PPM1E: variants seen among roughly 807,000 people sequenced by gnomAD.
PPM1E encodes the protein protein phosphatase 1E.
A neutral mutation model predicts 65.9 loss-of-function variants in PPM1E; 20 were observed. The ratio of observed to expected loss-of-function variants is 0.30; its 90% CI spans 0.21 to 0.44. The LOEUF (loss-of-function observed/expected upper bound fraction) is 0.44, where lower values mean the gene tolerates loss of function less well. Ranked by LOEUF, PPM1E falls within the 20% of genes least tolerant of loss-of-function variation. PPM1E has a pLI of 1.00. For synonymous variants in PPM1E, 352 were observed against 374.9 expected (o/e 0.94, Z 0.70); for missense variants, 713 against 953.1 (o/e 0.75, Z 3.32).
chr17:58,804,084 A>G (rs1261542827), intron 1 of PPM1E, among the ~76,000 whole-genome samples: 1 of 152,080 alleles, frequency 6.6e-6, no homozygotes, highest in Non-Finnish European at 1.5e-5. Flanking sequence ...CTGTGAAGCC[A>G]TGGCAGCTAA....
chr17:58,861,398 A>C (rs2143302594), intron 1 of PPM1E, among the ~76,000 whole-genome samples: 1 of 152,334 alleles, frequency 6.6e-6, no homozygotes, highest in African/African-American at 2.4e-5. Flanking sequence ...GGCCTGGTTC[A>C]GTGTCTTGGG....
At chr17:58,771,431 C>T (rs1224463745) in intron 1 of PPM1E, among the ~76,000 whole-genome samples, 2 of 151,596 alleles carry the variant, frequency 1.3e-5, no homozygotes, top group Non-Finnish European at 2.9e-5. Context: ...CGAGACCAGC[C>T]TGGCCAACAT....
intron 1 of PPM1E, among the ~76,000 whole-genome samples, chr17:58,870,994 G>A (rs2051062886): frequency 6.6e-6 from 1 of 152,006 alleles, no homozygotes; most frequent in Non-Finnish European, 1.5e-5. Context: ...AAGAGGCTTG[G>A]GTGCTTAAGG....
At position 58,955,629 on chromosome 17, in the gene PPM1E, T is replaced by C; in HGVS notation, c.465-20T>C. ...TCTAATTCTTTTGCTGAAAATGGCC[T>C]TTTATCTTTTTTCTTGCAGTAATTG... On this transcript the variant is annotated intron_variant, in intron 1 of 6. Transcript: ENST00000308249. 1 of 1,612,124 alleles carries C rather than the reference T, an allele frequency of 6.2e-7. No homozygotes were observed. The highest frequency in any genetic ancestry group is 8.5e-7 in the Non-Finnish European group (1 of 1,179,542).
intron 1 of PPM1E, among the ~76,000 whole-genome samples, chr17:58,871,119 C>T (rs2051064272): frequency 6.6e-6 from 1 of 152,136 alleles, no homozygotes; most frequent in East Asian, 1.9e-4. Context: ...ACTGCAGCCT[C>T]GAATTCCTGG....
At chr17:58,798,525 A>ATTTTTTT (rs78922975) in intron 1 of PPM1E, among the ~76,000 whole-genome samples, 1 of 89,850 alleles carries the variant, frequency 1.1e-5, no homozygotes, top group Non-Finnish European at 2.4e-5. Flanking sequence ...ACACGGCCCT[A>ATTTTTTT]TTTTTTTTTT....
intron 1 of PPM1E, among the ~76,000 whole-genome samples, chr17:58,910,520 A>T (rs1197518444): frequency 4.0e-5 from 6 of 151,854 alleles, no homozygotes; most frequent in South Asian, 2.1e-4. Flanking sequence ...TCTTTTCAAA[A>T]TTTTTTTTGC....
At chr17:58,953,446 A>G (rs1016358076) in intron 1 of PPM1E, among the ~76,000 whole-genome samples, 3 of 152,164 alleles carry the variant, frequency 2.0e-5, no homozygotes, top group African/African-American at 7.2e-5. Flanking sequence ...TAATTTAATA[A>G]TCAGATCTCA....
At chr17:58,974,383 A>G (rs2030863727) in intron 6 of PPM1E, among the ~76,000 whole-genome samples, 1 of 152,212 alleles carries the variant, frequency 6.6e-6, no homozygotes, top group Admixed American at 6.5e-5. Flanking sequence ...GGAGTTTCAA[A>G]GAACCCTATA....
At chr17:58,972,975 T>C (rs1357029326) in intron 6 of PPM1E, 50 bp downstream of exon 6, 1 of 1,317,900 alleles carries the variant, frequency 7.6e-7, no homozygotes, top group East Asian at 2.3e-5. Flanking sequence ...TCTAGCTCAT[T>C]CTCCTGTATC....
chr17:58,945,586 C>T (rs370480244), intron 1 of PPM1E, among the ~76,000 whole-genome samples: 3 of 152,180 alleles, frequency 2.0e-5, no homozygotes, highest in Non-Finnish European at 2.9e-5. Context: ...CACAGGATAA[C>T]GGGCTCAGTC....
At chr17:58,933,581 A>C (rs2051931692) in intron 1 of PPM1E, among the ~76,000 whole-genome samples, 1 of 151,854 alleles carries the variant, frequency 6.6e-6, no homozygotes, top group Middle Eastern at 3.2e-3. Flanking sequence ...GGATCACCTG[A>C]GATCAGGAGT....
intron 4 of PPM1E, 124 bp from the exon 5 acceptor site, chr17:58,972,008 G>C: frequency 1.2e-6 from 1 of 867,282 alleles, no homozygotes; most frequent in Non-Finnish European, 1.7e-6. Context: ...TATTATATAT[G>C]TGTGAAATTC....
intron 1 of PPM1E, among the ~76,000 whole-genome samples, chr17:58,789,457 T>C (rs567709385): frequency 1.3e-5 from 2 of 152,312 alleles, no homozygotes; most frequent in South Asian, 4.1e-4. Context: ...TAACTTTATT[T>C]TTCTGATTAC....
At chr17:58,787,647 A>G (rs972397308) in intron 1 of PPM1E, among the ~76,000 whole-genome samples, 1 of 152,016 alleles carries the variant, frequency 6.6e-6, no homozygotes, top group Non-Finnish European at 1.5e-5. Flanking sequence ...GGTGGCTCAC[A>G]CCTGTAATCC....
At chr17:58,928,063 T>TA (rs901114174) in intron 1 of PPM1E, among the ~76,000 whole-genome samples, 1,628 of 141,114 alleles carry the variant, frequency 0.012, 26 homozygotes, top group African/African-American at 0.04. Context: ...CCATCTCAAT[T>TA]AAAAAAAAAA....
chr17:58,757,129 A>G lies in PPM1E; in HGVS notation c.464+668A>G, dbSNP rs1429520042. On this transcript the variant is annotated intron_variant, in intron 1 of 6. Transcript: ENST00000308249. ...TTAGTTTAGACATTTGACATTCCAT[A>G]ATTGAGGGAAGTGGGAAGGAATTGA... Among the ~76,000 whole-genome samples, 3 of 152,138 alleles carry G rather than the reference A, an allele frequency of 2.0e-5. No homozygotes were observed. The East Asian group carries it at 5.8e-4, about 29-fold the overall frequency.
intron 1 of PPM1E, chr17:58,836,051 C>T (rs1344940185): frequency 6.6e-6 from 1 of 152,076 alleles, no homozygotes; most frequent in Non-Finnish European, 1.5e-5. Flanking sequence ...CCTAAGGTTA[C>T]AAAATTGGTA....
intron 6 of PPM1E, among the ~76,000 whole-genome samples, chr17:58,979,200 G>A (rs897550454): frequency 1.3e-5 from 2 of 152,148 alleles, no homozygotes; most frequent in African/African-American, 4.8e-5. Flanking sequence ...ACAGAAGTGG[G>A]GCGATGAGCA....
Sources: gnomAD v4.1 joint callset for allele counts (sites outside exome capture counted in the v4.1 genomes callset) on GRCh38, gnomAD v4.1.1 for gene constraint, MANE v1.5 for transcripts, NCBI Gene and HGNC (gene_info 2026-07-23, HGNC 2026-07-21) for gene names.